Variants in TRAPPC9 observed in about 807,000 individuals in gnomAD.
TRAPPC9 encodes trafficking protein particle complex subunit 9.
Under a neutral mutation model 124.0 loss-of-function variants are expected in TRAPPC9, and 83 were observed. The observed-to-expected ratio is 0.67, with a 90% confidence interval of 0.56 to 0.80. The LOEUF (loss-of-function observed/expected upper bound fraction) is 0.80. Among genes scored for constraint, TRAPPC9 ranks in the 30% least tolerant of loss-of-function variants. The pLI is 0.00. For synonymous variants in TRAPPC9, 638 were observed against 617.5 expected (o/e 1.03, Z -0.49); for missense variants, 1,302 against 1,508.3 (o/e 0.86, Z 2.27).
chr8:139,988,196 T>C (rs1837374869), intron 19 of TRAPPC9, among the ~76,000 whole-genome samples: 1 of 143,226 alleles, frequency 7.0e-6, no homozygotes, highest in Admixed American at 7.6e-5. Context: ...CACTGCACCC[T>C]CTGCTTCCCG....
At chr8:140,367,095 A>T (rs533568317) in intron 8 of TRAPPC9, among the ~76,000 whole-genome samples, 15 of 152,360 alleles carry the variant, frequency 9.8e-5, no homozygotes, top group African/African-American at 2.6e-4. Flanking sequence ...GATGTGGAGC[A>T]GCAGGAACTC....
intron 17 of TRAPPC9, among the ~76,000 whole-genome samples, chr8:140,188,121 A>C (rs1318709137): frequency 2.6e-5 from 4 of 152,234 alleles, no homozygotes; most frequent in Non-Finnish European, 5.9e-5. Flanking sequence ...AGATCATGGG[A>C]GAAGGAGAAG....
chr8:140,066,296 G>T (rs1008775230), intron 17 of TRAPPC9, among the ~76,000 whole-genome samples: 2 of 152,212 alleles, frequency 1.3e-5, no homozygotes, highest in South Asian at 2.1e-4. Flanking sequence ...AGCAGTAAGT[G>T]GGGTGGAGAG....
intron 7 of TRAPPC9, among the ~76,000 whole-genome samples, chr8:140,372,513 C>T (rs142121253): frequency 2.1e-3 from 326 of 152,328 alleles, no homozygotes; most frequent in Middle Eastern, 0.01. Context: ...GACTTAGGTT[C>T]CTGAGACATG....
chr8:139,769,774 T>C (rs35785016), intron 21 of TRAPPC9, among the ~76,000 whole-genome samples: 123 of 152,248 alleles, frequency 8.1e-4, no homozygotes, highest in Non-Finnish European at 1.3e-3. Context: ...ATTCACTAAA[T>C]TTTAGGTAGA....
intron 6 of TRAPPC9, among the ~76,000 whole-genome samples, chr8:140,401,287 G>A (rs538560813): frequency 6.6e-6 from 1 of 152,292 alleles, no homozygotes; most frequent in South Asian, 2.1e-4. Flanking sequence ...GTCAGAAAGG[G>A]TAGGCTTCAT....
intron 9 of TRAPPC9, 74 bp from the exon 10 acceptor site, chr8:140,311,448 G>C (rs2066296534): frequency 6.4e-7 from 1 of 1,571,742 alleles, no homozygotes; most frequent in African/African-American, 1.3e-5. Context: ...TTTTACTTGG[G>C]GCATTTCATG....
intron 21 of TRAPPC9, among the ~76,000 whole-genome samples, chr8:139,804,565 ACCG>A (rs1823876843): frequency 1.0e-5 from 1 of 98,072 alleles, no homozygotes; most frequent in African/African-American, 4.1e-5. Flanking sequence ...ACCAAGCACC[ACCG>A]CCACCACCCA....
intron 9 of TRAPPC9, among the ~76,000 whole-genome samples, chr8:140,321,595 C>T (rs537160245): frequency 6.6e-6 from 1 of 152,204 alleles, no homozygotes; most frequent in Non-Finnish European, 1.5e-5. Context: ...CTGCTTTGTC[C>T]CTGGCAGAGG....
At chr8:139,948,614 A>G (rs1288206688) in intron 19 of TRAPPC9, among the ~76,000 whole-genome samples, 1 of 151,632 alleles carries the variant, frequency 6.6e-6, no homozygotes, top group East Asian at 1.9e-4. Context: ...CCCTACCTCC[A>G]CCTCCACCTT....
chr8:140,156,148 C>T (rs930983511), intron 17 of TRAPPC9, among the ~76,000 whole-genome samples: 1 of 152,226 alleles, frequency 6.6e-6, no homozygotes, highest in Non-Finnish European at 1.5e-5. Context: ...ACCACCACAA[C>T]ACCAGGCTAC....
chr8:139,766,820 G>T (rs1447920103), intron 21 of TRAPPC9, among the ~76,000 whole-genome samples: 1 of 152,204 alleles, frequency 6.6e-6, no homozygotes, highest in East Asian at 1.9e-4. Flanking sequence ...TTTCTTCAAG[G>T]CCCAAGCCAA....
In TRAPPC9 at chr8:140,397,696, C is replaced by A. The variant is rs769602948; in HGVS notation, c.1058G>T (p.Arg353Leu). 1.2e-6 allele frequency: 2 copies of A among 1,614,170 alleles called. No individual in the cohort carries two copies. The highest frequency in any genetic ancestry group is 1.1e-5 in the South Asian group (1 of 91,086). The change falls in exon 7 of 23, where the codon CGT (arginine) becomes CTT (leucine). Residue 353 changes from arginine to leucine, a missense_variant. By Grantham distance (102) the Arg-to-Leu change is moderately radical (BLOSUM62 -2). Around this residue, in one of 3 missense-constraint regions of TRAPPC9, gnomAD observed 657 missense variants for 811.2 expected, o/e 0.81. Transcript: ENST00000438773. ...GCTCCGTTTCTGAATTGCAAGGACA[C>A]GTACAGCCTTGATGCACGCTTCCAA... ...IELEACIKAV[R>L]VLAIQKRSME...
chr8:140,268,675 C>T (rs947056095), intron 15 of TRAPPC9, among the ~76,000 whole-genome samples: 3 of 152,106 alleles, frequency 2.0e-5, no homozygotes, highest in Non-Finnish European at 2.9e-5. Flanking sequence ...TTTCACTTTC[C>T]CTGTGCATAA....
chr8:140,014,100 C>T (rs1039880054), intron 18 of TRAPPC9, among the ~76,000 whole-genome samples: 6 of 152,196 alleles, frequency 3.9e-5, no homozygotes, highest in South Asian at 2.1e-4. Context: ...CCCCACCACA[C>T]AGGGAAAGTG....
At chr8:140,027,747 T>A (rs751786012) in intron 17 of TRAPPC9, among the ~76,000 whole-genome samples, 1 of 151,952 alleles carries the variant, frequency 6.6e-6, no homozygotes, top group Non-Finnish European at 1.5e-5. Flanking sequence ...CACAGCTGGG[T>A]AGGCCTCAGG....
intron 17 of TRAPPC9, among the ~76,000 whole-genome samples, chr8:140,061,656 G>A (rs966137281): frequency 1.3e-5 from 2 of 152,174 alleles, no homozygotes; most frequent in Non-Finnish European, 2.9e-5. Flanking sequence ...GTAGACAGGC[G>A]AATGAAGTGG....
At chr8:139,931,636 A>G (rs1296380100) in intron 19 of TRAPPC9, 1 of 152,474 alleles carries the variant, frequency 6.6e-6, no homozygotes, top group Non-Finnish European at 1.5e-5. Context: ...GGGGCTATCA[A>G]CTTGAGCTGG....
At chr8:139,784,608 C>CAT (rs34583867) in intron 21 of TRAPPC9, among the ~76,000 whole-genome samples, 3,015 of 88,400 alleles carry the variant, frequency 0.034, 69 homozygotes, top group Non-Finnish European at 0.043. Flanking sequence ...AAAAGACTGA[C>CAT]ATATATATAT....
Sources: allele counts gnomAD v4.1 joint callset (sites outside exome capture counted in the v4.1 genomes callset), GRCh38; gene constraint gnomAD v4.1.1; regional missense constraint gnomAD v4.1.1; transcripts MANE v1.5; gene names NCBI Gene and HGNC (gene_info 2026-07-23, HGNC 2026-07-21).